Variants in NKAIN3 observed in about 807,000 individuals in gnomAD.
NKAIN3 encodes the protein sodium/potassium transporting ATPase interacting 3.
Under a neutral mutation model 30.2 loss-of-function variants are expected in NKAIN3, and 25 were observed. The ratio of observed to expected loss-of-function variants is 0.83; its 90% CI spans 0.60 to 1.16. NKAIN3 has a LOEUF of 1.16. Among genes scored for constraint, NKAIN3 ranks in the 50% most tolerant of loss-of-function variants. The pLI, the probability that NKAIN3 is intolerant of heterozygous loss-of-function variation, is 0.00. For missense variants in NKAIN3, 225 were observed against 254.1 expected (o/e 0.89, Z 0.78); for synonymous variants, 91 against 89.6 (o/e 1.02, Z -0.09).
intron 3 of NKAIN3, among the ~76,000 whole-genome samples, chr8:62,639,292 G>C (rs1812231491): frequency 6.6e-6 from 1 of 152,140 alleles, no homozygotes; most frequent in Admixed American, 6.5e-5. Flanking sequence ...TTCCAGAAGA[G>C]AGGTGGCCAA....
At chr8:62,293,951 C>T (rs1813739938) in intron 1 of NKAIN3, among the ~76,000 whole-genome samples, 1 of 152,158 alleles carries the variant, frequency 6.6e-6, no homozygotes, top group Non-Finnish European at 1.5e-5. Context: ...CACCCCTCCC[C>T]CAGCCTCACT....
intron 3 of NKAIN3, among the ~76,000 whole-genome samples, chr8:62,705,426 C>T (rs906544579): frequency 3.3e-5 from 5 of 152,096 alleles, no homozygotes; most frequent in Admixed American, 3.3e-4. Flanking sequence ...TGGCGCAGTC[C>T]GGGGAAGCGG....
intron 5 of NKAIN3, among the ~76,000 whole-genome samples, chr8:62,992,039 G>A (rs1185612057): frequency 6.7e-6 from 1 of 150,174 alleles, no homozygotes; most frequent in Non-Finnish European, 1.5e-5. Flanking sequence ...TTTTCTTTTA[G>A]ACAGAGTCTC....
chr8:62,562,068 G>A (rs1004564899), intron 1 of NKAIN3, among the ~76,000 whole-genome samples: 14 of 152,140 alleles, frequency 9.2e-5, no homozygotes, highest in Non-Finnish European at 1.5e-5. Flanking sequence ...TGCATCAGAG[G>A]TCAAGGACTT....
At chr8:62,443,072 C>T (rs563374836) in intron 1 of NKAIN3, among the ~76,000 whole-genome samples, 1 of 152,044 alleles carries the variant, frequency 6.6e-6, no homozygotes, top group Admixed American at 6.6e-5. Context: ...TAAAATTAGG[C>T]ATATATCTAT....
At chr8:62,457,809 A>T (rs1474920541) in intron 1 of NKAIN3, among the ~76,000 whole-genome samples, 1 of 152,200 alleles carries the variant, frequency 6.6e-6, no homozygotes, top group Non-Finnish European at 1.5e-5. Flanking sequence ...CATATATTAT[A>T]AATTGCTTTT....
intron 1 of NKAIN3, among the ~76,000 whole-genome samples, chr8:62,374,593 T>C (rs1216141281): frequency 6.6e-6 from 1 of 152,182 alleles, no homozygotes; most frequent in African/African-American, 2.4e-5. Context: ...TTGGTGCAAA[T>C]TGTACATTGA....
At chr8:62,779,409 C>T (rs1422118520) in intron 4 of NKAIN3, among the ~76,000 whole-genome samples, 1 of 152,158 alleles carries the variant, frequency 6.6e-6, no homozygotes, top group Non-Finnish European at 1.5e-5. Flanking sequence ...TGATTCTCCT[C>T]TGACTAGGGC....
chr8:62,798,242 T>A, intron 4 of NKAIN3, among the ~76,000 whole-genome samples: 1 of 152,112 alleles, frequency 6.6e-6, no homozygotes, highest in South Asian at 2.1e-4. Context: ...CATCTCCTGT[T>A]GGGTTGCCGA....
rs770278620 is a variant in NKAIN3, at chr8:62,967,873, A to C, written c.*2466A>C. On this transcript the variant is annotated 3_prime_UTR_variant, in exon 7 of 7. Transcript: ENST00000623646. The stretch of plus-strand genomic sequence containing the variant: ...TTTGTTTCTATTTTATCTTCACGTG[A>C]ATTTGTACATAGTTCTAGTAGGCAC... Among the ~76,000 whole-genome samples, 42 of 152,164 alleles carry C rather than the reference A, an allele frequency of 2.8e-4. No homozygotes were observed. Among genetic ancestry groups the C allele is most frequent in the Non-Finnish European group, 4.7e-4 (32 of 68,040 alleles).
chr8:62,565,441 C>T (rs929253125), intron 1 of NKAIN3, among the ~76,000 whole-genome samples: 2 of 151,946 alleles, frequency 1.3e-5, no homozygotes, highest in Non-Finnish European at 2.9e-5. Flanking sequence ...CATTTCATTA[C>T]CAAAACAACA....
At chr8:62,998,632 TG>T (rs1402990798) in intron 5 of NKAIN3, among the ~76,000 whole-genome samples, 1 of 152,194 alleles carries the variant, frequency 6.6e-6, no homozygotes, top group Non-Finnish European at 1.5e-5. Context: ...CCAGTCCTGT[TG>T]CTGGTAGAGG....
chr8:62,897,604 G>A (rs1274342345), intron 4 of NKAIN3, among the ~76,000 whole-genome samples: 2 of 152,068 alleles, frequency 1.3e-5, no homozygotes, highest in Non-Finnish European at 2.9e-5. Flanking sequence ...AGGTGCTATG[G>A]TTTGTTTTGT....
intron 1 of NKAIN3, among the ~76,000 whole-genome samples, chr8:62,527,973 T>G (rs1224647057): frequency 6.7e-6 from 1 of 149,676 alleles, no homozygotes; most frequent in South Asian, 2.1e-4. Context: ...GAGATAGAGA[T>G]TTTGTGAGGA....
At position 62,287,259 on chromosome 8, in the gene NKAIN3, G is replaced by T. The variant is rs143638156; in HGVS notation, c.54+38132G>T. Among the ~76,000 whole-genome samples the T allele has an allele frequency of 1.8e-3, 266 of 151,974 alleles. 1 individual carries two copies. Among genetic ancestry groups the T allele is most frequent in the African/African-American group, 6.0e-3 (248 of 41,500 alleles). On this transcript the variant is annotated intron_variant, in intron 1 of 6. Coordinates refer to ENST00000623646, the MANE Select transcript of NKAIN3 (RefSeq NM_001304533.3). ...TTAAGTTCTAGTGTCCAGCAAAAAT[G>T]CATCAGTGAAGCTGACAGGTGCGTA...
At chr8:62,850,162 T>C (rs1432018444) in intron 4 of NKAIN3, among the ~76,000 whole-genome samples, 1 of 152,140 alleles carries the variant, frequency 6.6e-6, no homozygotes, top group Non-Finnish European at 1.5e-5. Context: ...TGGTGTGAGA[T>C]GCTATCTCAT....
intron 6 of NKAIN3, among the ~76,000 whole-genome samples, chr8:62,963,044 A>G (rs1396690167): frequency 6.6e-6 from 1 of 151,966 alleles, no homozygotes; most frequent in African/African-American, 2.4e-5. Context: ...GGTGCCTGCT[A>G]CCACGCCTGG....
intron 1 of NKAIN3, among the ~76,000 whole-genome samples, chr8:62,412,647 C>A (rs1332037828): frequency 6.6e-6 from 1 of 151,954 alleles, no homozygotes; most frequent in East Asian, 1.9e-4. Flanking sequence ...GTAATCCCAG[C>A]ACTTTGGGAG....
chr8:62,339,583 G>A (rs1815674419), intron 1 of NKAIN3, among the ~76,000 whole-genome samples: 1 of 151,850 alleles, frequency 6.6e-6, no homozygotes, highest in Non-Finnish European at 1.5e-5. Context: ...AAAAGGCAAG[G>A]GTTCTATTTA....
Sources: gnomAD v4.1 joint callset for allele counts (sites outside exome capture counted in the v4.1 genomes callset) on GRCh38, gnomAD v4.1.1 for gene constraint, MANE v1.5 for transcripts, NCBI Gene and HGNC (gene_info 2026-07-23, HGNC 2026-07-21) for gene names.